The following PTN variants were observed in gnomAD, a reference collection of about 807,000 sequenced individuals.
The protein encoded by PTN is heparin affin regulatory protein.
PTN carries 18 observed loss-of-function variants against 24.1 expected under a neutral mutation model. The ratio of observed to expected loss-of-function variants is 0.75; its 90% CI spans 0.52 to 1.11. PTN has a LOEUF of 1.11. Ranked by LOEUF, PTN falls within the 50% of genes least tolerant of loss-of-function variation. PTN has a pLI of 0.00. For synonymous variants in PTN, 78 were observed against 68.6 expected, an observed-to-expected ratio of 1.14 and a Z score of -0.67; for missense variants, 163 against 198.8, an observed-to-expected ratio of 0.82 and a Z score of 1.08.
chr7:137,228,069 G>T lies in PTN; in HGVS notation c.458C>A (p.Ser153Tyr). 6.4e-7 allele frequency: 1 copy of T among 1,550,818 alleles called. No individual in the cohort carries two copies. Among genetic ancestry groups the T allele is most frequent in the Non-Finnish European group, 8.9e-7 (1 of 1,125,446 alleles). ...KLTKPKPQAE[S>Y]KKKKKEGKKQ... ...CTTGCCTTCCTTTTTCTTCTTCTTA[G>T]ATTCTGCTGTGATTACAAAAAAGAG... is the stretch of plus-strand genomic sequence containing the variant. The change falls in exon 5 of 5, where the codon TCT becomes TAT. Residue 153 changes from serine (S) to tyrosine (Y), a missense_variant. Ser to Tyr is a moderately radical substitution (Grantham distance 144). Coordinates refer to ENST00000348225, the MANE Select transcript of PTN (RefSeq NM_002825.7).
chr7:137,244,255 C>T (rs914667744), intron 4 of PTN, among the ~76,000 whole-genome samples: 2 of 152,106 alleles, frequency 1.3e-5, no homozygotes, highest in African/African-American at 4.8e-5. Context: ...CCTCCATCTC[C>T]AGGAAAGCTA....
At position 137,255,619 on chromosome 7, in the gene PTN, A is replaced by T. The variant is rs549630521; in HGVS notation, c.-1-645T>A. On this transcript the variant is annotated intron_variant, in intron 1 of 4. Coordinates refer to ENST00000348225, the MANE Select transcript of PTN (RefSeq NM_002825.7). The stretch of plus-strand genomic sequence containing the variant: ...TGATACATATCAAACACAATGATAA[A>T]TTCGCATGTGCTAAAAATCCTCTAA... Among the ~76,000 whole-genome samples the T allele has an allele frequency of 2.0e-5, 3 of 152,362 alleles. No individual in the cohort carries two copies. In the South Asian group the frequency reaches 6.2e-4, roughly 32 times the overall value.
intron 1 of PTN, among the ~76,000 whole-genome samples, chr7:137,338,944 G>A (rs762319720): frequency 2.0e-5 from 3 of 151,838 alleles, no homozygotes; most frequent in Non-Finnish European, 4.4e-5. Context: ...GAAGAGTTGT[G>A]ACAATACTAA....
chr7:137,304,776 AG>A (rs1392867357), intron 1 of PTN, among the ~76,000 whole-genome samples: 1 of 152,050 alleles, frequency 6.6e-6, no homozygotes, highest in Non-Finnish European at 1.5e-5. Flanking sequence ...CTAGAGGAGA[AG>A]CAAAAGGAAA....
chr7:137,289,135 G>A (rs1185059361), intron 1 of PTN, among the ~76,000 whole-genome samples: 1 of 152,150 alleles, frequency 6.6e-6, no homozygotes, highest in East Asian at 1.9e-4. Context: ...CAACTCAGGA[G>A]AAGTGGTAAA....
At chr7:137,315,657 C>T (rs550383784) in intron 1 of PTN, among the ~76,000 whole-genome samples, 2 of 152,240 alleles carry the variant, frequency 1.3e-5, no homozygotes, top group African/African-American at 2.4e-5. Flanking sequence ...TCTGGGCTTC[C>T]GTCTCACACC....
chr7:137,318,386 C>A (rs1045520994), intron 1 of PTN, among the ~76,000 whole-genome samples: 2 of 152,098 alleles, frequency 1.3e-5, no homozygotes, highest in South Asian at 2.1e-4. Context: ...GTAACTCCAG[C>A]GATTCCAGAG....
chr7:137,258,498 T>C lies in PTN; in HGVS notation c.-1-3524A>G, dbSNP rs548431973. Among the ~76,000 whole-genome samples, 4 of 152,272 alleles carry C rather than the reference T, an allele frequency of 2.6e-5. No individual in the cohort carries two copies. The South Asian group carries it at 8.3e-4, about 32-fold the overall frequency. ...CAGCCTCTTCTCCCCTTCCTTCTAT[T>C]TTGTTCATCATTCTACTTAAGCCTA... On this transcript the variant is annotated intron_variant, in intron 1 of 4. Coordinates refer to ENST00000348225, the MANE Select transcript of PTN (RefSeq NM_002825.7).
At chr7:137,280,957 A>C (rs980948888) in intron 1 of PTN, among the ~76,000 whole-genome samples, 13 of 151,934 alleles carry the variant, frequency 8.6e-5, no homozygotes, top group Non-Finnish European at 1.5e-5. Context: ...CATAGGGATT[A>C]GCAATTAGCA....
At chr7:137,302,728 T>C (rs2128878787) in intron 1 of PTN, among the ~76,000 whole-genome samples, 1 of 152,102 alleles carries the variant, frequency 6.6e-6, no homozygotes. Context: ...CCTGCTGCTT[T>C]TATAATTTTA....
intron 1 of PTN, among the ~76,000 whole-genome samples, chr7:137,271,656 T>C (rs899497365): frequency 2.6e-5 from 4 of 152,218 alleles, no homozygotes; most frequent in African/African-American, 7.2e-5. Context: ...TTTATTATAA[T>C]TGAAAAGAGC....
At chr7:137,309,413 T>G (rs1809944864) in intron 1 of PTN, among the ~76,000 whole-genome samples, 1 of 152,140 alleles carries the variant, frequency 6.6e-6, no homozygotes, top group South Asian at 2.1e-4. Flanking sequence ...GTTGCTGAAG[T>G]CTGGGGTGGC....
chr7:137,286,911 C>T (rs915786198), intron 1 of PTN, among the ~76,000 whole-genome samples: 1 of 152,180 alleles, frequency 6.6e-6, no homozygotes, highest in Non-Finnish European at 1.5e-5. Context: ...GTGAGATAAA[C>T]ATGGCAGGCA....
At chr7:137,251,131 G>A in intron 4 of PTN, 99 bp downstream of exon 4, 1 of 1,364,990 alleles carries the variant, frequency 7.3e-7, no homozygotes, top group South Asian at 1.3e-5. Flanking sequence ...CTTTCTTAAG[G>A]TAATTCACCT....
At chr7:137,273,481 G>A (rs953098142) in intron 1 of PTN, among the ~76,000 whole-genome samples, 2 of 152,176 alleles carry the variant, frequency 1.3e-5, no homozygotes, top group South Asian at 2.1e-4. Flanking sequence ...GGCTGAAGTC[G>A]AAGGGACAAG....
At chr7:137,311,114 C>G (rs986801122) in intron 1 of PTN, among the ~76,000 whole-genome samples, 1 of 151,834 alleles carries the variant, frequency 6.6e-6, no homozygotes, top group East Asian at 1.9e-4. Context: ...CACCTGTAAC[C>G]CCAACTACTT....
At chr7:137,331,991 C>A (rs1374378629) in intron 1 of PTN, among the ~76,000 whole-genome samples, 2 of 152,322 alleles carry the variant, frequency 1.3e-5, no homozygotes, top group Non-Finnish European at 2.9e-5. Context: ...CTTTTATGAG[C>A]ATTCATAACA....
At chr7:137,310,948 G>C (rs1024639468) in intron 1 of PTN, among the ~76,000 whole-genome samples, 3 of 152,084 alleles carry the variant, frequency 2.0e-5, no homozygotes, top group African/African-American at 7.2e-5. Context: ...TAGAACTGAA[G>C]AGGCTGGGCA....
At chr7:137,249,015 A>ATGT (rs1808775065) in intron 4 of PTN, among the ~76,000 whole-genome samples, 1 of 152,070 alleles carries the variant, frequency 6.6e-6, no homozygotes, top group Non-Finnish European at 1.5e-5. Context: ...CCTTCATTAC[A>ATGT]TGTTATTAGA....
Sources: gnomAD v4.1 joint callset for allele counts (sites outside exome capture counted in the v4.1 genomes callset) on GRCh38, gnomAD v4.1.1 for gene constraint, MANE v1.5 for transcripts, NCBI Gene and HGNC (gene_info 2026-07-23, HGNC 2026-07-21) for gene names.